The following TMEM233 variants were observed in gnomAD, a reference collection of about 807,000 sequenced individuals.
The protein encoded by TMEM233 is transmembrane protein 233, also known as dispanin subfamily B member 2.
A neutral mutation model predicts 11.2 loss-of-function variants in TMEM233; 6 were observed. That is an observed-to-expected ratio of 0.54 (90% CI 0.29 to 1.06). TMEM233 has a LOEUF of 1.06. Among genes scored for constraint, TMEM233 ranks in the 50% least tolerant of loss-of-function variants. The pLI is 0.08. For missense variants in TMEM233, 127 were observed against 144.7 expected (o/e 0.88, Z 0.63); for synonymous variants, 59 against 55.8 (o/e 1.06, Z -0.26).
intron 1 of TMEM233, among the ~76,000 whole-genome samples, chr12:119,605,622 G>T (rs1411003324): frequency 1.3e-5 from 2 of 151,664 alleles, no homozygotes; most frequent in South Asian, 2.1e-4. Context: ...TGTATAGATG[G>T]TTCACCATGT....
intron 1 of TMEM233, among the ~76,000 whole-genome samples, chr12:119,626,826 G>A (rs1420774002): frequency 6.6e-6 from 1 of 152,192 alleles, no homozygotes; most frequent in Non-Finnish European, 1.5e-5. Flanking sequence ...ATTCTGTGGG[G>A]AAACAGAAAT....
chr12:119,626,887 G>T (rs937712253), intron 1 of TMEM233, among the ~76,000 whole-genome samples: 16 of 152,200 alleles, frequency 1.1e-4, no homozygotes, highest in African/African-American at 3.9e-4. Flanking sequence ...CCAACAATGT[G>T]CCAGACACCA....
intron 1 of TMEM233, among the ~76,000 whole-genome samples, chr12:119,614,994 T>C (rs1205655974): frequency 1.3e-5 from 2 of 151,684 alleles, no homozygotes; most frequent in African/African-American, 4.8e-5. Flanking sequence ...CTCTCCTCTC[T>C]CTTTCACTCC....
At chr12:119,653,622 T>A in the TMEM233 span, among the ~76,000 whole-genome samples, 1 of 151,368 alleles carries the variant, frequency 6.6e-6, no homozygotes, top group Admixed American at 6.6e-5. Context: ...TAAAAAAAAA[T>A]TAAAAAATTT....
intron 1 of TMEM233, among the ~76,000 whole-genome samples, chr12:119,601,255 G>C (rs1954157379): frequency 6.6e-6 from 1 of 151,996 alleles, no homozygotes; most frequent in African/African-American, 2.4e-5. Flanking sequence ...GAGGTTCAAG[G>C]GTAAAATTTC....
At chr12:119,621,697 A>T (rs7957284) in intron 1 of TMEM233, among the ~76,000 whole-genome samples, 116,150 of 152,094 alleles carry the variant, frequency 0.76, 44,574 homozygotes, top group Middle Eastern at 0.85. Context: ...TCCTTGAAAA[A>T]CATTTAACAC....
chr12:119,645,187 C>T (rs1054703061), downstream of TMEM233, among the ~76,000 whole-genome samples: 10 of 152,052 alleles, frequency 6.6e-5, no homozygotes, highest in African/African-American at 1.9e-4. Context: ...GCCTCAGCTC[C>T]TGGATCAGCA....
In TMEM233 at chr12:119,629,787, C is replaced by A. The variant is rs537113870; in HGVS notation, c.238C>A (p.Arg80=). Residue 80 remains arginine, a synonymous_variant, in exon 2 of 3, where the codon CGG becomes AGG. Coordinates refer to ENST00000426426, the MANE Select transcript of TMEM233 (RefSeq NM_001136534.3). ...CTACGAAGGAGCCAGGCGGCTTGGG[C>A]GGAATGCTAAGTGGGTAGCCATCGC... The part of the protein sequence containing the change: ...GDYEGARRLG[R]NAKWVAIASI... 15 of 1,551,520 alleles carry A rather than the reference C, an allele frequency of 9.7e-6. No homozygotes were observed. Among genetic ancestry groups the A allele is most frequent in the African/African-American group, 1.4e-5 (1 of 73,032 alleles).
Position 119,623,265 on chromosome 12 carries a change from T to A in TMEM233, c.187-6471T>A, listed in dbSNP as rs148298527. 1.6e-4 allele frequency among the ~76,000 whole-genome samples: 24 copies of A among 152,328 alleles called. No individual in the cohort carries two copies. The East Asian group carries it at 4.4e-3, about 28-fold the overall frequency. ...GAAAAGAGAGGGGACTTCATTATTT[T>A]TCCTATGGTTACAGCAACATGAATG... is the stretch of plus-strand genomic sequence containing the variant. On this transcript the variant is annotated intron_variant, in intron 1 of 2. Transcript: ENST00000426426.
intron 2 of TMEM233, among the ~76,000 whole-genome samples, chr12:119,639,280 T>C (rs550402382): frequency 6.6e-6 from 1 of 152,190 alleles, no homozygotes; most frequent in East Asian, 1.9e-4. Flanking sequence ...AGGGACATTT[T>C]CATTTCTGTT....
At chr12:119,608,695 C>T (rs1353842997) in intron 1 of TMEM233, among the ~76,000 whole-genome samples, 2 of 152,186 alleles carry the variant, frequency 1.3e-5, no homozygotes, top group Non-Finnish European at 2.9e-5. Flanking sequence ...CATGAAGAAG[C>T]GTCACTTGAG....
intron 1 of TMEM233, among the ~76,000 whole-genome samples, chr12:119,622,058 A>C (rs901408113): frequency 6.6e-6 from 1 of 152,226 alleles, no homozygotes; most frequent in African/African-American, 2.4e-5. Flanking sequence ...ATTTATGGGA[A>C]GTACTCAAGG....
chr12:119,611,045 A>G (rs1349128121), intron 1 of TMEM233, among the ~76,000 whole-genome samples: 1 of 152,148 alleles, frequency 6.6e-6, no homozygotes, highest in African/African-American at 2.4e-5. Context: ...ATTCTGTTGT[A>G]TGGATATTCT....
the TMEM233 span, among the ~76,000 whole-genome samples, chr12:119,650,800 A>G: frequency 0.032 from 4,872 of 152,142 alleles, 280 homozygotes; most frequent in African/African-American, 0.11. Flanking sequence ...GAGCCACCAC[A>G]CCCAGCTAAT....
At chr12:119,652,853 C>T in the TMEM233 span, among the ~76,000 whole-genome samples, 1 of 152,152 alleles carries the variant, frequency 6.6e-6, no homozygotes, top group African/African-American at 2.4e-5. Flanking sequence ...TTAAACTCCT[C>T]AGTCTTTCTG....
chr12:119,638,873 T>A (rs1354590888), intron 2 of TMEM233, among the ~76,000 whole-genome samples: 1 of 150,972 alleles, frequency 6.6e-6, no homozygotes, highest in East Asian at 1.9e-4. Flanking sequence ...CCCGTCTCTA[T>A]TTTTTTTTAA....
chr12:119,597,300 G>A (rs10849674), intron 1 of TMEM233, among the ~76,000 whole-genome samples: 115,823 of 152,126 alleles, frequency 0.76, 44,231 homozygotes, highest in Middle Eastern at 0.86. Context: ...GGAAAAAGCC[G>A]AAGTACTAAT....
intron 1 of TMEM233, among the ~76,000 whole-genome samples, chr12:119,609,282 G>A (rs1954346353): frequency 6.6e-6 from 1 of 152,288 alleles, no homozygotes; most frequent in African/African-American, 2.4e-5. Flanking sequence ...ATGATTTAGG[G>A]TATCTGGCAG....
At chr12:119,647,978 C>G (rs1464923388), downstream of TMEM233, among the ~76,000 whole-genome samples, 1 of 152,174 alleles carries the variant, frequency 6.6e-6, no homozygotes, top group Non-Finnish European at 1.5e-5. Flanking sequence ...CTCTACTCAG[C>G]TGCAGCCACA....
Sources: gnomAD v4.1 joint callset for allele counts (sites outside exome capture counted in the v4.1 genomes callset) on GRCh38, gnomAD v4.1.1 for gene constraint, MANE v1.5 for transcripts, NCBI Gene and HGNC (gene_info 2026-07-23, HGNC 2026-07-21) for gene names.